PLAC1: variants seen among roughly 807,000 people sequenced by gnomAD.
PLAC1 encodes placenta-specific protein 1.
For synonymous variants in PLAC1, 68 were observed against 62.1 expected, an observed-to-expected ratio of 1.09 and a Z score of -0.44; for missense variants, 136 against 163.2, an observed-to-expected ratio of 0.83 and a Z score of 0.91.
In PLAC1 at chrX:134,586,362, C is replaced by A. The variant is rs146204366; in HGVS notation, c.-59+15689G>T. On this transcript the variant is annotated intron_variant, in intron 2 of 2. Coordinates refer to ENST00000359237, the MANE Select transcript of PLAC1 (RefSeq NM_021796.4). ...CCCTGTGAGCAAATACAAGCACAGA[C>A]TTCATTTGAAAAAAAAATGTACAGC... Among the ~76,000 whole-genome samples, 150 of 111,683 alleles carry A rather than the reference C, an allele frequency of 1.3e-3. 4 individuals are homozygous for A. In the East Asian group the frequency reaches 0.037, roughly 27 times the overall value.
intron 1 of PLAC1, among the ~76,000 whole-genome samples, chrX:134,630,013 C>T (rs2078253403): frequency 9.8e-6 from 1 of 102,053 alleles, no homozygotes; most frequent in African/African-American, 3.6e-5. Flanking sequence ...CTCTTGTTGC[C>T]CAGGCTGGAG....
intron 1 of PLAC1, among the ~76,000 whole-genome samples, chrX:134,617,378 C>T (rs1200795420): frequency 4.5e-5 from 5 of 111,575 alleles, no homozygotes; most frequent in African/African-American, 6.5e-5. Context: ...ATAGAAGTGG[C>T]GAGATTGGGA....
At chrX:134,577,143 A>T in intron 2 of PLAC1, among the ~76,000 whole-genome samples, 1 of 112,283 alleles carries the variant, frequency 8.9e-6, no homozygotes, top group Non-Finnish European at 1.9e-5. Context: ...AGAGACAAAA[A>T]CTTAGAAAGA....
chrX:134,666,436 A>C (rs757500077), intron 2 of PLAC1, among the ~76,000 whole-genome samples: 1 of 111,870 alleles, frequency 8.9e-6, no homozygotes, highest in South Asian at 3.8e-4. Flanking sequence ...TTCGAGAAAA[A>C]AAAAATGAAA....
At chrX:134,633,612 G>A (rs1458389374) in intron 1 of PLAC1, among the ~76,000 whole-genome samples, 1 of 111,553 alleles carries the variant, frequency 9.0e-6, no homozygotes, top group Non-Finnish European at 1.9e-5. Flanking sequence ...CAAATTTGCA[G>A]TTACCAAGGT....
chrX:134,737,741 G>A (rs915145696), intron 1 of PLAC1, among the ~76,000 whole-genome samples: 3 of 112,481 alleles, frequency 2.7e-5, no homozygotes, highest in African/African-American at 6.5e-5. Flanking sequence ...TGCTGAGGTC[G>A]ACGAAAAAGC....
At chrX:134,629,663 G>T (rs764536137) in intron 1 of PLAC1, among the ~76,000 whole-genome samples, 8 of 111,658 alleles carry the variant, frequency 7.2e-5, no homozygotes, top group Admixed American at 1.9e-4. Context: ...TGTACATGTG[G>T]TTGGGACATG....
intron 2 of PLAC1, among the ~76,000 whole-genome samples, chrX:134,688,811 C>T (rs2078527081): frequency 8.9e-6 from 1 of 112,012 alleles, no homozygotes; most frequent in African/African-American, 3.2e-5. Context: ...GAGAGTTTAA[C>T]GGCCTCTTTC....
intron 2 of PLAC1, among the ~76,000 whole-genome samples, chrX:134,585,200 G>T (rs867986811): frequency 2.5e-5 from 1 of 40,800 alleles, no homozygotes; most frequent in Non-Finnish European, 5.4e-5. Context: ...AAAAAAAAAA[G>T]CCGGGCATGG....
intron 2 of PLAC1, among the ~76,000 whole-genome samples, chrX:134,587,730 C>T (rs1270236018): frequency 1.8e-5 from 2 of 111,865 alleles, no homozygotes; most frequent in African/African-American, 6.5e-5. Flanking sequence ...GAGATGGCAC[C>T]AGTAAGATGC....
At chrX:134,735,599 T>C (rs1370457961) in intron 1 of PLAC1, among the ~76,000 whole-genome samples, 1 of 110,595 alleles carries the variant, frequency 9.0e-6, no homozygotes, top group Admixed American at 9.7e-5. Context: ...CCCTTTTCTA[T>C]TTGCTGATAT....
chrX:134,601,295 T>C (rs896668453), intron 2 of PLAC1, among the ~76,000 whole-genome samples: 7 of 112,564 alleles, frequency 6.2e-5, no homozygotes, highest in African/African-American at 2.3e-4. Flanking sequence ...CTATTTTAAA[T>C]ATTGCCACAA....
intron 2 of PLAC1, among the ~76,000 whole-genome samples, chrX:134,680,386 A>G (rs2078490488): frequency 1.8e-5 from 2 of 111,188 alleles, no homozygotes; most frequent in Non-Finnish European, 3.8e-5. Flanking sequence ...ACTCTATCAC[A>G]CTGGCTGTCA....
intron 2 of PLAC1, among the ~76,000 whole-genome samples, chrX:134,665,917 G>A (rs1307257211): frequency 9.0e-6 from 1 of 110,918 alleles, no homozygotes; most frequent in African/African-American, 3.3e-5. Flanking sequence ...CATTGGCTAG[G>A]GGCCACCTCA....
At chrX:134,666,927 T>C (rs925660963) in intron 2 of PLAC1, among the ~76,000 whole-genome samples, 5 of 112,176 alleles carry the variant, frequency 4.5e-5, no homozygotes, top group Non-Finnish European at 9.4e-5. Context: ...GACAATTCAA[T>C]AGGGGAAAGG....
rs2077877845 is a variant in PLAC1, at chrX:134,566,670, T to C, written c.13A>G (p.Lys5Glu). ...AGGAGGATCATCAGTCCTATGAACT[T>C]AAAAACTTTCATCCCTGCAGCCAAT... MKVF[K>E]FIGLMILLTS... The change falls in exon 3 of 3, where the codon AAG (lysine) becomes GAG (glutamate). Residue 5 changes from lysine (K) to glutamate (E), a missense_variant. Physicochemically the swap from Lys to Glu is moderately conservative, Grantham distance 56. Coordinates refer to ENST00000359237, the MANE Select transcript of PLAC1 (RefSeq NM_021796.4). 1.7e-6 allele frequency: 2 copies of C among 1,187,436 alleles called. No homozygotes were observed. Among genetic ancestry groups the C allele is most frequent in the Admixed American group, 4.4e-5 (2 of 45,276 alleles).
chrX:134,653,187 C>T (rs1036127942), intron 1 of PLAC1, among the ~76,000 whole-genome samples: 1 of 112,326 alleles, frequency 8.9e-6, no homozygotes, highest in Non-Finnish European at 1.9e-5. Flanking sequence ...CTCCTCAGGC[C>T]TGATGGCTCA....
intron 1 of PLAC1, among the ~76,000 whole-genome samples, chrX:134,746,157 G>A (rs1029481191): frequency 8.9e-6 from 1 of 112,473 alleles, no homozygotes; most frequent in Non-Finnish European, 1.9e-5. Flanking sequence ...ACTCTGTTCT[G>A]GAGGGTATAC....
chrX:134,746,975 C>T (rs568571513), intron 1 of PLAC1, among the ~76,000 whole-genome samples: 3 of 112,217 alleles, frequency 2.7e-5, no homozygotes, highest in African/African-American at 9.7e-5. Flanking sequence ...CTAAGGGATA[C>T]AGGCCACATG....
Sources: allele counts gnomAD v4.1 joint callset (sites outside exome capture counted in the v4.1 genomes callset), GRCh38; gene constraint gnomAD v4.1.1; transcripts MANE v1.5; gene names NCBI Gene and HGNC (gene_info 2026-07-23, HGNC 2026-07-21).